The following QRICH1 variants were observed in gnomAD, a reference collection of about 807,000 sequenced individuals.
QRICH1 encodes the protein transcriptional regulator QRICH1.
Under a neutral mutation model 87.1 loss-of-function variants are expected in QRICH1, and 16 were observed. The ratio of observed to expected loss-of-function variants is 0.18; its 90% CI spans 0.12 to 0.28. The LOEUF is 0.28. Among genes scored for constraint, QRICH1 ranks in the 10% least tolerant of loss-of-function variants. The pLI is 1.00. For missense variants in QRICH1, 647 were observed against 951.7 expected (o/e 0.68, Z 4.21); for synonymous variants, 367 against 368.4 (o/e 1.00, Z 0.05).
chr3:49,091,612 G>A (rs1437710542), intron 1 of QRICH1, among the ~76,000 whole-genome samples: 1 of 152,198 alleles, frequency 6.6e-6, no homozygotes, highest in Non-Finnish European at 1.5e-5. Flanking sequence ...TTCTCGAAGA[G>A]TTATAGGAAA....
In QRICH1 at chr3:49,032,764, T is replaced by C. The variant is rs780772057; in HGVS notation, c.1905A>G (p.Leu635=). ...TCATGTGCTGGTCCACTGTCTTCAA[T>C]AGGAAGTACCTGGATCACAAGTAAA... ...TLMFFNTKYF[L]LKTVDQHMKL... Residue 635 remains leucine, a synonymous_variant, in exon 8 of 10, where the codon CTA becomes CTG. Coordinates refer to ENST00000395443, the MANE Select transcript of QRICH1 (RefSeq NM_198880.3). The C allele has an allele frequency of 2.7e-5, 43 of 1,605,264 alleles. No individual in the cohort carries two copies. The highest frequency in any genetic ancestry group is 3.5e-5 in the Admixed American group (2 of 57,070).
At chr3:49,046,662 G>T in intron 4 of QRICH1, 83 bp from the exon 5 acceptor site, 1 of 1,459,148 alleles carries the variant, frequency 6.9e-7, no homozygotes, top group Non-Finnish European at 9.3e-7. Context: ...CCATCAGGGT[G>T]CTGGGATAGA....
Position 49,085,984 on chromosome 3 carries a change from A to ATT in QRICH1, c.-22+7927_-22+7928insAA, listed in dbSNP as rs1376761762. 2.0e-5 allele frequency among the ~76,000 whole-genome samples: 3 copies of ATT among 152,036 alleles called. No individual in the cohort carries two copies. In the East Asian group the frequency reaches 5.8e-4, roughly 29 times the overall value. On this transcript the variant is annotated intron_variant, in intron 1 of 9. Coordinates refer to ENST00000395443, the MANE Select transcript of QRICH1 (RefSeq NM_198880.3). ...ATTAATTAAAGTATTTCTGAAAAAC[A>ATT]TGCAGCCATGAGGATATCTGAGTGT...
intron 3 of QRICH1, among the ~76,000 whole-genome samples, chr3:49,050,726 A>G (rs1321643992): frequency 6.6e-6 from 1 of 151,044 alleles, no homozygotes; most frequent in Non-Finnish European, 1.5e-5. Flanking sequence ...AACAACAAAA[A>G]CCTATTACTC....
rs750794296 is a variant in QRICH1 at position 49,057,395 on chromosome 3, G to A, written c.805C>T (p.Leu269=). ...AISGQPVATV[L]AIPQGQQQSY... ...TGCTGCTGGCCCTGTGGAATGGCCA[G>A]CACGGTGGCCACCGGCTGCCCTGAG... Residue 269 remains leucine, a synonymous_variant, in exon 3 of 10, where the codon CTG becomes TTG. Coordinates refer to ENST00000395443, the MANE Select transcript of QRICH1 (RefSeq NM_198880.3). The surrounding 1 kb of genome is among the most constrained non-coding windows in gnomAD (Gnocchi z 5.4). 2 of 1,614,184 alleles carry A rather than the reference G, an allele frequency of 1.2e-6. No homozygotes were observed. The highest frequency in any genetic ancestry group is 1.3e-5 in the African/African-American group (1 of 75,062).
rs971752968 is a variant in QRICH1 at position 49,029,940 on chromosome 3, ATT to A, written c.*510_*511del. 2 of 174,142 alleles carry A rather than the reference ATT, an allele frequency of 1.1e-5. No individual in the cohort carries two copies. Among genetic ancestry groups the A allele is most frequent in the Non-Finnish European group, 2.4e-5 (2 of 81,910 alleles). 10.8% of individuals were successfully genotyped at this position (174,142 alleles called of 1,614,324 possible). ...TGTCATAAAGGAGGGTGTAATAGAA[ATT>A]GTCTTTAATAAATCATAATTGAAGT... On this transcript the variant is annotated 3_prime_UTR_variant, in exon 10 of 10. Transcript: ENST00000395443.
Position 49,047,265 on chromosome 3 carries a change from G to T in QRICH1, c.1339-19C>A. ...TTTGAGCCTATAGGAGAGAAACCAT[G>T]AAAATGTGTCAATATTGTTTTATAT... On this transcript the variant is annotated intron_variant, in intron 3 of 9. Transcript: ENST00000395443. 1 of 1,592,576 alleles carries T rather than the reference G, an allele frequency of 6.3e-7. No individual in the cohort carries two copies. Among genetic ancestry groups the T allele is most frequent in the Non-Finnish European group, 8.6e-7 (1 of 1,167,436 alleles).
chr3:49,044,572 A>G (rs2093328706), intron 5 of QRICH1, 68 bp from the exon 6 acceptor site: 7 of 1,172,836 alleles, frequency 6.0e-6, no homozygotes, highest in East Asian at 2.4e-5. Flanking sequence ...GGAAATAAAT[A>G]TATTTTTCTA....
At chr3:49,061,658 G>T (rs1202990074) in intron 2 of QRICH1, among the ~76,000 whole-genome samples, 1 of 151,936 alleles carries the variant, frequency 6.6e-6, no homozygotes, top group Non-Finnish European at 1.5e-5. Context: ...TTTGAGACCA[G>T]CCTGACCGAC....
At chr3:49,074,921 G>C (rs1275038772) in intron 2 of QRICH1, among the ~76,000 whole-genome samples, 1 of 152,094 alleles carries the variant, frequency 6.6e-6, no homozygotes, top group Non-Finnish European at 1.5e-5. Context: ...AGAGCTTGCA[G>C]TGAGCTGAGA....
intron 2 of QRICH1, among the ~76,000 whole-genome samples, chr3:49,067,596 G>T (rs1474015737): frequency 6.6e-6 from 1 of 151,442 alleles, no homozygotes; most frequent in Non-Finnish European, 1.5e-5. Flanking sequence ...GAAATTAAAT[G>T]TTATTTATAT....
intron 7 of QRICH1, 104 bp downstream of exon 7, chr3:49,033,016 C>A (rs2093251526): frequency 1.9e-6 from 2 of 1,031,194 alleles, no homozygotes; most frequent in East Asian, 2.8e-5. Context: ...CTTTCAGTAG[C>A]CCAGTTTCTC....
At chr3:49,066,245 G>A (rs1575359954) in intron 2 of QRICH1, among the ~76,000 whole-genome samples, 1 of 152,038 alleles carries the variant, frequency 6.6e-6, no homozygotes, top group East Asian at 1.9e-4. Context: ...ACAAGATCAT[G>A]TCACTGTACT....
intron 5 of QRICH1, among the ~76,000 whole-genome samples, chr3:49,045,906 C>A (rs1214620586): frequency 6.7e-6 from 1 of 149,490 alleles, no homozygotes; most frequent in Non-Finnish European, 1.5e-5. Context: ...TATTTTTTTT[C>A]TTTTCTTTTC....
At chr3:49,070,121 T>G (rs565534618) in intron 2 of QRICH1, among the ~76,000 whole-genome samples, 1 of 152,148 alleles carries the variant, frequency 6.6e-6, no homozygotes, top group East Asian at 1.9e-4. Context: ...CACTGCAACC[T>G]TGGCTTCCCA....
In QRICH1 at chr3:49,057,295, G is replaced by C; in HGVS notation, c.905C>G (p.Thr302Ser). 6.2e-7 allele frequency: 1 copy of C among 1,614,226 alleles called. No homozygotes were observed. Among genetic ancestry groups the C allele is most frequent in the Admixed American group, 1.7e-5 (1 of 60,018 alleles). Residue 302 changes from threonine to serine, a missense_variant, in exon 3 of 10, where the codon ACT becomes AGT. Physicochemically the swap from Thr to Ser is moderately conservative, Grantham distance 58. Around this residue, in one of 7 missense-constraint regions of QRICH1, gnomAD observed 75 missense variants for 141.0 expected, o/e 0.53. Transcript: ENST00000395443. The surrounding 1 kb of genome is among the most constrained non-coding windows in gnomAD (Gnocchi z 5.4). The part of the protein sequence containing the change: ...AHLYSATGTI[T>S]SPTGETWTIP... ...GGTCCAGGTTTCTCCTGTAGGGCTA[G>C]TAATGGTCCCAGTGGCACTGTACAG...
intron 6 of QRICH1, among the ~76,000 whole-genome samples, chr3:49,041,831 T>C (rs2106844790): frequency 6.6e-6 from 1 of 151,960 alleles, no homozygotes; most frequent in East Asian, 1.9e-4. Flanking sequence ...GGTTTCACAG[T>C]GTTAGCCAGG....
Position 49,032,556 on chromosome 3 carries a change from G to C in QRICH1, c.2047+66C>G. The C allele has an allele frequency of 2.0e-6, 3 of 1,470,140 alleles. No individual in the cohort carries two copies. In the Admixed American group the frequency reaches 6.9e-5, roughly 34 times the overall value. 91.1% of individuals were successfully genotyped at this position (1,470,140 alleles called of 1,614,324 possible). Reference sequence around the variant, plus strand: ...TTTACACTTATCACTAGCCTCACAGGCACAAGGGCAGGACAGGGCAGGACA... The same window carrying C: ...TTTACACTTATCACTAGCCTCACAGCCACAAGGGCAGGACAGGGCAGGACA... On this transcript the variant is annotated intron_variant, in intron 8 of 9. Coordinates refer to ENST00000395443, the MANE Select transcript of QRICH1 (RefSeq NM_198880.3).
intron 3 of QRICH1, among the ~76,000 whole-genome samples, chr3:49,054,109 T>C (rs1175330678): frequency 6.6e-6 from 1 of 152,116 alleles, no homozygotes; most frequent in African/African-American, 2.4e-5. Flanking sequence ...TCTAAGACTT[T>C]CCCAAATCAG....
Sources: allele counts gnomAD v4.1 joint callset (sites outside exome capture counted in the v4.1 genomes callset), GRCh38; gene constraint gnomAD v4.1.1; regional missense constraint gnomAD v4.1.1; non-coding constraint Gnocchi (gnomAD v3.1); transcripts MANE v1.5; gene names NCBI Gene and HGNC (gene_info 2026-07-23, HGNC 2026-07-21).